The following RNF220 variants were observed in gnomAD, a reference collection of about 807,000 sequenced individuals.
RNF220 encodes the protein E3 ubiquitin-protein ligase RNF220.
RNF220 carries 7 observed loss-of-function variants against 67.1 expected under a neutral mutation model. The observed-to-expected ratio is 0.10, with a 90% confidence interval of 0.06 to 0.20. The LOEUF (loss-of-function observed/expected upper bound fraction) is 0.20. RNF220 is among the 10% of genes least tolerant of loss of function. The probability of loss-of-function intolerance (pLI) is 1.00; values close to 1 mark genes in which losing one functional copy is unlikely to be tolerated. For missense variants in RNF220, 565 were observed against 740.3 expected (o/e 0.76, Z 2.75); for synonymous variants, 270 against 283.2 (o/e 0.95, Z 0.47).
intron 2 of RNF220, among the ~76,000 whole-genome samples, chr1:44,426,183 C>G (rs1649751618): frequency 6.6e-6 from 1 of 152,142 alleles, no homozygotes; most frequent in African/African-American, 2.4e-5. Flanking sequence ...GACTCTATTC[C>G]TATTTTGTGG....
intron 2 of RNF220, among the ~76,000 whole-genome samples, chr1:44,523,234 G>T (rs1305971568): frequency 3.3e-5 from 5 of 152,202 alleles, no homozygotes; most frequent in Non-Finnish European, 7.3e-5. Context: ...GGCTCCCCGA[G>T]CACTCCTGCT....
intron 2 of RNF220, among the ~76,000 whole-genome samples, chr1:44,575,055 T>A (rs1664708952): frequency 6.6e-6 from 1 of 152,212 alleles, no homozygotes; most frequent in Non-Finnish European, 1.5e-5. Context: ...GAAATATACA[T>A]CATTGTTAAC....
At chr1:44,631,936 C>A in intron 5 of RNF220, 1 of 988,904 alleles carries the variant, frequency 1.0e-6, no homozygotes, top group Non-Finnish European at 1.2e-6. Flanking sequence ...AACTTTCACC[C>A]CCAGCGCGCG....
chr1:44,582,742 G>T (rs554893824), intron 2 of RNF220, among the ~76,000 whole-genome samples: 7 of 130,686 alleles, frequency 5.4e-5, no homozygotes, highest in Non-Finnish European at 1.1e-4. Flanking sequence ...GGCCAACATA[G>T]TGAGACTACA....
In RNF220 at chr1:44,626,609, T is replaced by C. The variant is rs368958271; in HGVS notation, c.906+211T>C. ...TAAATAGATGGATTTTAGGGAGAGATGCCAAGGTCACATGGGCTCCATGGG... is the reference window on the plus strand; with the variant it reads ...TAAATAGATGGATTTTAGGGAGAGACGCCAAGGTCACATGGGCTCCATGGG... On this transcript the variant is annotated intron_variant, in intron 5 of 14. Coordinates refer to ENST00000361799, the MANE Select transcript of RNF220 (RefSeq NM_018150.4). The C allele has an allele frequency of 3.4e-4, 195 of 579,280 alleles. No individual in the cohort carries two copies. The East Asian group carries it at 5.1e-3, about 15-fold the overall frequency. 35.9% of individuals were successfully genotyped at this position (579,280 alleles called of 1,614,324 possible).
chr1:44,425,365 C>T lies in RNF220; in HGVS notation c.625+12643C>T, dbSNP rs943930354. ...CCCTATGTGACTCCATCTAGCGTGT[C>T]CCCTCACGTAGTGCCTAGCTTGGTA... On this transcript the variant is annotated intron_variant, in intron 2 of 14. Transcript: ENST00000361799. Among the ~76,000 whole-genome samples, 43 of 152,166 alleles carry T rather than the reference C, an allele frequency of 2.8e-4. 1 individual carries two copies. In the Middle Eastern group the frequency reaches 0.01, roughly 36 times the overall value.
Position 44,649,999 on chromosome 1 carries a change from G to A in RNF220, c.1629+42G>A. ...GTCGGGGAATGGGAGGCCGCTCCGGGCACTGCCCAGATGTCTGTGCTTATG... is the reference window on the plus strand; with the variant it reads ...GTCGGGGAATGGGAGGCCGCTCCGGACACTGCCCAGATGTCTGTGCTTATG... On this transcript the variant is annotated intron_variant, in intron 14 of 14. Transcript: ENST00000361799. This position sits in a 1 kb window ranked among gnomAD's most constrained non-coding sequence, Gnocchi z 5.9. The A allele has an allele frequency of 3.1e-6, 5 of 1,593,346 alleles. No individual in the cohort carries two copies. Among genetic ancestry groups the A allele is most frequent in the Non-Finnish European group, 3.4e-6 (4 of 1,166,656 alleles).
rs2147805610 is a variant in RNF220, at chr1:44,412,449, G to A, written c.352G>A (p.Gly118Arg). Residue 118 changes from glycine (G) to arginine (R), a missense_variant, in exon 2 of 15, where the codon GGG becomes AGG. Transcript: ENST00000361799. The surrounding 1 kb of genome is among the most constrained non-coding windows in gnomAD (Gnocchi z 5.3). ...PISMLNHSGV[G>R]AFRPFASTED... ...CAGTATGCTGAATCATAGTGGTGTG[G>A]GGGCTTTCCGGCCCTTTGCCTCCAC... 1 of 1,611,748 alleles carries A rather than the reference G, an allele frequency of 6.2e-7. No individual in the cohort carries two copies. Among genetic ancestry groups the A allele is most frequent in the Non-Finnish European group, 8.5e-7 (1 of 1,178,088 alleles).
Position 44,622,720 on chromosome 1 carries a change from C to G in RNF220, c.759-22C>G, listed in dbSNP as rs1483433124. 1.2e-6 allele frequency: 2 copies of G among 1,612,616 alleles called. No homozygotes were observed. Among genetic ancestry groups the G allele is most frequent in the Admixed American group, 3.3e-5 (2 of 59,988 alleles). Reference sequence around the variant, plus strand: ...CTGGGCAGCAGGTAGAATGGTTACCCTGTTCTCTTCTTTCTTGGCAGCAAG... The same window carrying G: ...CTGGGCAGCAGGTAGAATGGTTACCGTGTTCTCTTCTTTCTTGGCAGCAAG... On this transcript the variant is annotated intron_variant, in intron 3 of 14. Coordinates refer to ENST00000361799, the MANE Select transcript of RNF220 (RefSeq NM_018150.4). The surrounding 1 kb of genome is among the most constrained non-coding windows in gnomAD (Gnocchi z 4.3).
intron 2 of RNF220, among the ~76,000 whole-genome samples, chr1:44,475,057 A>G (rs988733429): frequency 1.3e-5 from 2 of 151,774 alleles, no homozygotes; most frequent in African/African-American, 4.9e-5. Flanking sequence ...CTGTTGAAAG[A>G]TATGTGGGTA....
At chr1:44,521,661 C>T (rs947452862) in intron 2 of RNF220, among the ~76,000 whole-genome samples, 1 of 152,142 alleles carries the variant, frequency 6.6e-6, no homozygotes, top group African/African-American at 2.4e-5. Context: ...CTGAAGAGGT[C>T]ACATCTTCTG....
chr1:44,534,210 G>A (rs1299112073), intron 2 of RNF220, among the ~76,000 whole-genome samples: 4 of 152,044 alleles, frequency 2.6e-5, no homozygotes, highest in South Asian at 2.1e-4. Flanking sequence ...GAACTCCTGC[G>A]CTCAAGCAAT....
At chr1:44,444,467 G>T (rs1651874611) in intron 2 of RNF220, among the ~76,000 whole-genome samples, 1 of 151,586 alleles carries the variant, frequency 6.6e-6, no homozygotes, top group Non-Finnish European at 1.5e-5. Flanking sequence ...TTGAAATGGG[G>T]GTCTCACTCT....
Position 44,412,451 on chromosome 1 carries a change from G to T in RNF220, c.354G>T (p.Gly118=), listed in dbSNP as rs1557899220. ...GTATGCTGAATCATAGTGGTGTGGG[G>T]GCTTTCCGGCCCTTTGCCTCCACCG... is the stretch of plus-strand genomic sequence containing the variant. ...PISMLNHSGV[G]AFRPFASTED... The change falls in exon 2 of 15, where the codon GGG becomes GGT. Residue 118 remains glycine (G), a synonymous_variant. Transcript: ENST00000361799. The surrounding 1 kb of genome is among the most constrained non-coding windows in gnomAD (Gnocchi z 5.3). 6.2e-7 allele frequency: 1 copy of T among 1,611,664 alleles called. No individual in the cohort carries two copies. Among genetic ancestry groups the T allele is most frequent in the Non-Finnish European group, 8.5e-7 (1 of 1,178,038 alleles).
At chr1:44,472,265 G>A (rs918677624) in intron 2 of RNF220, among the ~76,000 whole-genome samples, 1 of 152,180 alleles carries the variant, frequency 6.6e-6, no homozygotes, top group African/African-American at 2.4e-5. Flanking sequence ...CGTGATAACT[G>A]TATGTTTAAC....
chr1:44,626,230 G>A (rs1643934156), intron 4 of RNF220, 67 bp from the exon 5 acceptor site: 2 of 1,223,596 alleles, frequency 1.6e-6, no homozygotes. Context: ...CCACAGGACT[G>A]GGAACTCTAG....
rs191058166 is a variant in RNF220 at position 44,408,623 on chromosome 1, A to G, written c.-118+3093A>G. ...ATTTTTTTAAAAGTTTATTTATGCA[A>G]AGGAAAAATATCGTTTAATTTGTTC... On this transcript the variant is annotated intron_variant, in intron 1 of 14. Transcript: ENST00000361799. 6 of 152,286 alleles carry G rather than the reference A, an allele frequency of 3.9e-5. No individual in the cohort carries two copies. The South Asian group carries it at 6.2e-4, about 16-fold the overall frequency. 9.4% of individuals were successfully genotyped at this position (152,286 alleles called of 1,614,324 possible). A position where few individuals can be genotyped will look rare whatever the true frequency, so the allele number is the denominator to read the frequency against.
intron 2 of RNF220, among the ~76,000 whole-genome samples, chr1:44,594,061 G>T (rs553309824): frequency 6.6e-6 from 1 of 151,532 alleles, no homozygotes; most frequent in Non-Finnish European, 1.5e-5. Context: ...CTCCAGCCTG[G>T]GTGACAGAGT....
intron 6 of RNF220, among the ~76,000 whole-genome samples, chr1:44,634,926 C>T (rs929640250): frequency 2.0e-5 from 3 of 152,156 alleles, no homozygotes; most frequent in African/African-American, 4.8e-5. Context: ...GCCTTCTGAC[C>T]TGGCTGCCAA....
Sources: gnomAD v4.1 joint callset for allele counts (sites outside exome capture counted in the v4.1 genomes callset) on GRCh38, gnomAD v4.1.1 for gene constraint, Gnocchi (gnomAD v3.1) non-coding constraint, MANE v1.5 for transcripts, NCBI Gene and HGNC (gene_info 2026-07-23, HGNC 2026-07-21) for gene names.